The following RBMS3 variants were observed in gnomAD, a reference collection of about 807,000 sequenced individuals.
The protein encoded by RBMS3 is RNA binding motif single stranded interacting protein 3, also known as RNA-binding motif, single-stranded-interacting protein 3.
Under a neutral mutation model 66.8 loss-of-function variants are expected in RBMS3, and 27 were observed. That is an observed-to-expected ratio of 0.40 (90% CI 0.30 to 0.56). The LOEUF is 0.56. RBMS3 is among the 20% of genes least tolerant of loss of function. RBMS3 has a pLI of 0.40. For missense variants in RBMS3, 513 were observed against 549.5 expected, an observed-to-expected ratio of 0.93 and a Z score of 0.66; for synonymous variants, 188 against 183.0, an observed-to-expected ratio of 1.03 and a Z score of -0.22.
chr3:29,714,154 A>G (rs2053291800), intron 4 of RBMS3, among the ~76,000 whole-genome samples: 1 of 140,396 alleles, frequency 7.1e-6, no homozygotes, highest in Non-Finnish European at 1.6e-5. Flanking sequence ...GGCTGGGGCC[A>G]TATCAATGAA....
At chr3:29,344,359 A>G (rs1434844169) in intron 1 of RBMS3, among the ~76,000 whole-genome samples, 1 of 152,168 alleles carries the variant, frequency 6.6e-6, no homozygotes, top group African/African-American at 2.4e-5. Context: ...ACACAATAGC[A>G]ATGGCTTACT....
chr3:29,861,954 A>C (rs1383524750), intron 6 of RBMS3, among the ~76,000 whole-genome samples: 2 of 152,154 alleles, frequency 1.3e-5, no homozygotes, highest in African/African-American at 4.8e-5. Flanking sequence ...TCCCACTTCC[A>C]CAAAGACCTC....
intron 6 of RBMS3, among the ~76,000 whole-genome samples, chr3:29,817,192 C>CTTGGTTT (rs2057933858): frequency 7.9e-6 from 1 of 127,226 alleles, no homozygotes; most frequent in Non-Finnish European, 1.6e-5. Context: ...ATTTTCTTTT[C>CTTGGTTT]TTTTTTTTTT....
chr3:29,704,549 T>C (rs1045083801), intron 4 of RBMS3, among the ~76,000 whole-genome samples: 1 of 152,230 alleles, frequency 6.6e-6, no homozygotes, highest in African/African-American at 2.4e-5. Context: ...TTGCCTCATC[T>C]GTAAAACGGT....
intron 1 of RBMS3, among the ~76,000 whole-genome samples, chr3:29,335,760 C>T (rs2035910338): frequency 6.6e-6 from 1 of 152,162 alleles, no homozygotes; most frequent in Non-Finnish European, 1.5e-5. Context: ...AGGGGTCAGC[C>T]TGAATAGAAA....
At chr3:29,575,337 C>G (rs967789435) in intron 3 of RBMS3, among the ~76,000 whole-genome samples, 2 of 151,660 alleles carry the variant, frequency 1.3e-5, no homozygotes, top group African/African-American at 4.8e-5. Context: ...CTCTCCTGGC[C>G]TGTAAGGTTT....
rs542484080 is a variant in RBMS3, at chr3:29,491,928, G to A, written c.307+3429G>A. On this transcript the variant is annotated intron_variant, in intron 3 of 14. Coordinates refer to ENST00000383767, the MANE Select transcript of RBMS3 (RefSeq NM_001003793.3). ...GAATGGCGTGAACCCAGGAGGCGGA[G>A]CTTGCAGTGAGCTGAGATCGTGCCA... Among the ~76,000 whole-genome samples the A allele has an allele frequency of 3.3e-5, 5 of 152,144 alleles. No homozygotes were observed. The South Asian group carries it at 6.2e-4, about 19-fold the overall frequency.
chr3:29,334,657 T>C (rs61458296), intron 1 of RBMS3, among the ~76,000 whole-genome samples: 41,330 of 152,096 alleles, frequency 0.27, 5,929 homozygotes, highest in Middle Eastern at 0.32. Context: ...AAATAAATGC[T>C]CCTGCAGTTG....
chr3:29,892,839 G>T (rs139240145), intron 8 of RBMS3, among the ~76,000 whole-genome samples: 1,187 of 86,646 alleles, frequency 0.014, 22 homozygotes, highest in African/African-American at 0.055. Context: ...ATGTATGTAT[G>T]TATGTATTTA....
At chr3:29,922,493 C>CAAAAAAA (rs68121692) in intron 10 of RBMS3, among the ~76,000 whole-genome samples, 54 of 98,980 alleles carry the variant, frequency 5.5e-4, no homozygotes, top group African/African-American at 8.8e-4. Flanking sequence ...GACTCCGTCT[C>CAAAAAAA]AAAAAAAAAA....
intron 2 of RBMS3, among the ~76,000 whole-genome samples, chr3:29,441,445 T>A (rs1167432843): frequency 6.6e-6 from 1 of 152,200 alleles, no homozygotes; most frequent in Non-Finnish European, 1.5e-5. Context: ...AATTATTTAA[T>A]GTTCAAAACT....
intron 1 of RBMS3, among the ~76,000 whole-genome samples, chr3:29,298,607 T>TG (rs1553628813): frequency 2.0e-5 from 3 of 151,656 alleles, no homozygotes; most frequent in Non-Finnish European, 2.9e-5. Flanking sequence ...ATTTTTTTTT[T>TG]CCGGGAAATA....
intron 5 of RBMS3, among the ~76,000 whole-genome samples, chr3:29,750,133 T>G (rs964914764): frequency 6.6e-6 from 1 of 152,120 alleles, no homozygotes; most frequent in African/African-American, 2.4e-5. Flanking sequence ...TTGAAATAAC[T>G]TTTGATTGAC....
At chr3:29,664,961 A>G (rs1044891992) in intron 4 of RBMS3, among the ~76,000 whole-genome samples, 1 of 152,184 alleles carries the variant, frequency 6.6e-6, no homozygotes, top group African/African-American at 2.4e-5. Flanking sequence ...AATGGGAGGA[A>G]AAAGAAAAAA....
At chr3:29,647,828 TAA>T (rs1422056532) in intron 4 of RBMS3, among the ~76,000 whole-genome samples, 1 of 152,212 alleles carries the variant, frequency 6.6e-6, no homozygotes, top group Non-Finnish European at 1.5e-5. Context: ...TAAAAGTTAT[TAA>T]GAGTATTTTT....
chr3:29,763,621 A>C (rs898444281), intron 6 of RBMS3, among the ~76,000 whole-genome samples: 1 of 152,098 alleles, frequency 6.6e-6, no homozygotes, highest in Non-Finnish European at 1.5e-5. Context: ...GGTTTTATAC[A>C]CATTATAAAG....
chr3:29,830,271 C>T (rs143738102), intron 6 of RBMS3, among the ~76,000 whole-genome samples: 6 of 151,998 alleles, frequency 3.9e-5, no homozygotes, highest in East Asian at 3.9e-4. Context: ...CTAAACATAT[C>T]GGTGATCATA....
At chr3:29,626,644 G>A (rs1228611655) in intron 4 of RBMS3, among the ~76,000 whole-genome samples, 1 of 152,170 alleles carries the variant, frequency 6.6e-6, no homozygotes, top group Non-Finnish European at 1.5e-5. Flanking sequence ...TACAGATATT[G>A]TAGTGGAAAC....
intron 14 of RBMS3, among the ~76,000 whole-genome samples, chr3:29,997,014 C>A (rs1319679724): frequency 6.6e-6 from 1 of 151,656 alleles, no homozygotes; most frequent in Admixed American, 6.6e-5. Context: ...AATTGATAGA[C>A]CGCTAGCAAG....
Sources: gnomAD v4.1 joint callset for allele counts (sites outside exome capture counted in the v4.1 genomes callset) on GRCh38, gnomAD v4.1.1 for gene constraint, MANE v1.5 for transcripts, NCBI Gene and HGNC (gene_info 2026-07-23, HGNC 2026-07-21) for gene names.